The following TGM6 variants were observed in gnomAD, a reference collection of about 807,000 sequenced individuals.
TGM6 encodes protein-glutamine gamma-glutamyltransferase 6.
A neutral mutation model predicts 77.5 loss-of-function variants in TGM6; 74 were observed. The ratio of observed to expected loss-of-function variants is 0.96; its 90% CI spans 0.79 to 1.16. The LOEUF is 1.16. Among genes scored for constraint, TGM6 ranks in the 50% most tolerant of loss-of-function variants. The pLI is 0.00. For synonymous variants in TGM6, 383 were observed against 378.9 expected, an observed-to-expected ratio of 1.01 and a Z score of -0.12; for missense variants, 968 against 940.2, an observed-to-expected ratio of 1.03 and a Z score of -0.39.
intron 10 of TGM6, among the ~76,000 whole-genome samples, chr20:2,428,255 A>G (rs2084901920): frequency 6.6e-6 from 1 of 152,164 alleles, no homozygotes. Flanking sequence ...CAGCTGAGTG[A>G]CGGTGCTATT....
intron 1 of TGM6, among the ~76,000 whole-genome samples, chr20:2,389,408 T>G (rs2084616356): frequency 6.6e-6 from 1 of 152,166 alleles, no homozygotes; most frequent in African/African-American, 2.4e-5. Flanking sequence ...CCAGTGGAGC[T>G]CTGCCCAAAT....
intron 1 of TGM6, among the ~76,000 whole-genome samples, chr20:2,383,686 G>C (rs546655553): frequency 2.6e-4 from 39 of 152,262 alleles, no homozygotes; most frequent in African/African-American, 9.4e-4. Flanking sequence ...GAAGCTGTTG[G>C]GGCCATACAG....
chr20:2,392,777 C>T (rs1447928170), intron 1 of TGM6, among the ~76,000 whole-genome samples: 3 of 152,176 alleles, frequency 2.0e-5, no homozygotes, highest in East Asian at 1.9e-4. Flanking sequence ...GTGGCATGTG[C>T]CTGCAGACCC....
chr20:2,388,615 A>G (rs945062666), intron 1 of TGM6, among the ~76,000 whole-genome samples: 1 of 61,834 alleles, frequency 1.6e-5, no homozygotes, highest in Non-Finnish European at 3.8e-5. Flanking sequence ...CAAATTAAAA[A>G]CAAACAAACA....
At chr20:2,423,830 T>C (rs2084871485) in intron 10 of TGM6, among the ~76,000 whole-genome samples, 1 of 152,202 alleles carries the variant, frequency 6.6e-6, no homozygotes, top group African/African-American at 2.4e-5. Context: ...AAAGTTAAAA[T>C]TACTCATTGA....
chr20:2,420,781 A>C (rs2084850526), intron 10 of TGM6, among the ~76,000 whole-genome samples: 1 of 152,118 alleles, frequency 6.6e-6, no homozygotes, highest in Non-Finnish European at 1.5e-5. Context: ...TTCACTTAGC[A>C]ATATGTATTT....
At position 2,399,541 on chromosome 20, in the gene TGM6, C is replaced by T; in HGVS notation, c.673-20C>T. ...TAGGAAGCCCTGCCTGGTTGTGGAC[C>T]CGTGCCCTCCTCTGCCCAGGTGAAC... On this transcript the variant is annotated intron_variant, in intron 5 of 12. Coordinates refer to ENST00000202625, the MANE Select transcript of TGM6 (RefSeq NM_198994.3). 3 of 1,612,206 alleles carry T rather than the reference C, an allele frequency of 1.9e-6. No individual in the cohort carries two copies. The highest frequency in any genetic ancestry group is 4.5e-5 in the East Asian group (2 of 44,868).
rs774913444 is a variant in TGM6, at chr20:2,417,514, G to A, written c.1619G>A (p.Arg540His). 6.8e-6 allele frequency: 11 copies of A among 1,606,674 alleles called. No individual in the cohort carries two copies. Among genetic ancestry groups the A allele is most frequent in the South Asian group, 4.4e-5 (4 of 90,996 alleles). ...NLSGATILYTRKPVAEILHES... is the reference protein window; with the variant it reads ...NLSGATILYTHKPVAEILHES... Reference sequence around the variant, plus strand: ...AGCGGTGCCACCATCCTCTATACCCGCAAGCCAGTGGCAGAGATCCTGCAT... The same window carrying A: ...AGCGGTGCCACCATCCTCTATACCCACAAGCCAGTGGCAGAGATCCTGCAT... Residue 540 changes from arginine to histidine, a missense_variant, in exon 10 of 13, where the codon CGC becomes CAC. Physicochemically the swap from Arg to His is conservative, Grantham distance 29. Transcript: ENST00000202625.
chr20:2,410,456 A>G (rs986947510), intron 9 of TGM6, among the ~76,000 whole-genome samples: 23 of 152,150 alleles, frequency 1.5e-4, no homozygotes, highest in Admixed American at 9.8e-4. Flanking sequence ...ATAACAAACC[A>G]GGAATGGTAA....
At chr20:2,390,342 A>G (rs1461970409) in intron 1 of TGM6, among the ~76,000 whole-genome samples, 1 of 152,240 alleles carries the variant, frequency 6.6e-6, no homozygotes, top group Admixed American at 6.5e-5. Flanking sequence ...CATATGGAGT[A>G]TGGAACATTT....
Position 2,417,540 on chromosome 20 carries a change from G to T in TGM6, c.1645G>T (p.Glu549Ter). 6.2e-7 allele frequency: 1 copy of T among 1,605,038 alleles called. No individual in the cohort carries two copies. The change falls in exon 10 of 13, where the codon GAA becomes TAA. Residue 549 changes from glutamate to a stop codon, truncating the protein, a stop_gained. Coordinates refer to ENST00000202625, the MANE Select transcript of TGM6 (RefSeq NM_198994.3). LOFTEE classifies it high-confidence loss of function. ...CAAGCCAGTGGCAGAGATCCTGCATGAATCCCACGCCGTGAGGCTGGGGCC... is the reference window on the plus strand; with the variant it reads ...CAAGCCAGTGGCAGAGATCCTGCATTAATCCCACGCCGTGAGGCTGGGGCC... Reference protein sequence around the residue: ...TRKPVAEILHESHAVRLGPQE... With the variant: ...TRKPVAEILH
chr20:2,415,626 C>A (rs1302781572), intron 9 of TGM6, among the ~76,000 whole-genome samples: 1 of 152,058 alleles, frequency 6.6e-6, no homozygotes, highest in South Asian at 2.1e-4. Context: ...GATTCCAGAG[C>A]CTAAGGAGGA....
intron 10 of TGM6, among the ~76,000 whole-genome samples, chr20:2,420,361 G>A (rs1196443109): frequency 6.6e-6 from 1 of 152,092 alleles, no homozygotes; most frequent in East Asian, 1.9e-4. Flanking sequence ...AAAACTTTGA[G>A]TGGGAAGTAC....
rs757455658 is a variant in TGM6, at chr20:2,417,403, A to C, written c.1508A>C (p.Glu503Ala). The C allele has an allele frequency of 1.9e-5, 30 of 1,613,456 alleles. No individual in the cohort carries two copies. Among genetic ancestry groups the C allele is most frequent in the Non-Finnish European group, 2.5e-5 (30 of 1,180,042 alleles). Reference protein sequence around the residue: ...PSIAGKFKVLEPPMLGHDLRL... With the variant: ...PSIAGKFKVLAPPMLGHDLRL... ...ATCGCTGGCAAGTTCAAGGTGCTAG[A>C]GCCTCCCATGCTGGGCCACGACCTG... The change falls in exon 10 of 13, where the codon GAG becomes GCG. Residue 503 changes from glutamate to alanine, a missense_variant. Coordinates refer to ENST00000202625, the MANE Select transcript of TGM6 (RefSeq NM_198994.3).
At chr20:2,394,418 CG>C (rs1568655406) in intron 1 of TGM6, 33 bp from the exon 2 acceptor site, 2 of 1,609,442 alleles carry the variant, frequency 1.2e-6, no homozygotes, top group South Asian at 2.2e-5. Context: ...AACAGGAGGC[CG>C]TGGCCTCATC....
rs75236104 is a variant in TGM6, at chr20:2,395,737, G to C, written c.424+301G>C. On this transcript the variant is annotated intron_variant, in intron 3 of 12. Transcript: ENST00000202625. ...TGTGCTGAGCTGCTCTCCTCTACCAGTCTCCATTTCCTCATCTGTAATATG... is the reference window on the plus strand; with the variant it reads ...TGTGCTGAGCTGCTCTCCTCTACCACTCTCCATTTCCTCATCTGTAATATG... Among the ~76,000 whole-genome samples, 26 of 152,296 alleles carry C rather than the reference G, an allele frequency of 1.7e-4. No individual in the cohort carries two copies. In the East Asian group the frequency reaches 5.0e-3, roughly 29 times the overall value.
At chr20:2,396,796 C>A (rs1036783123) in intron 4 of TGM6, among the ~76,000 whole-genome samples, 172 bp downstream of exon 4, 3 of 152,178 alleles carry the variant, frequency 2.0e-5, no homozygotes, top group African/African-American at 7.2e-5. Flanking sequence ...AGGGCCTGCA[C>A]TGGGTCCTGG....
intron 9 of TGM6, among the ~76,000 whole-genome samples, chr20:2,409,743 A>C (rs532791937): frequency 2.0e-5 from 3 of 151,966 alleles, no homozygotes; most frequent in African/African-American, 2.4e-5. Context: ...AAAGAAGAGC[A>C]AACTAAACAC....
chr20:2,416,421 T>G (rs1419039806), intron 9 of TGM6, among the ~76,000 whole-genome samples: 1 of 152,210 alleles, frequency 6.6e-6, no homozygotes, highest in Non-Finnish European at 1.5e-5. Context: ...ATAAAAATAG[T>G]CTTTTCAATA....
Sources: allele counts gnomAD v4.1 joint callset (sites outside exome capture counted in the v4.1 genomes callset), GRCh38; gene constraint gnomAD v4.1.1; transcripts MANE v1.5; gene names NCBI Gene and HGNC (gene_info 2026-07-23, HGNC 2026-07-21).